GLB1: variants seen among roughly 807,000 people sequenced by gnomAD.
The protein encoded by GLB1 is beta-galactosidase.
In GLB1, 56 loss-of-function variants were observed where a neutral mutation model predicts 74.0. The ratio of observed to expected loss-of-function variants is 0.76; its 90% CI spans 0.61 to 0.94. The LOEUF (loss-of-function observed/expected upper bound fraction) is 0.94, where lower values mean the gene tolerates loss of function less well. Among genes scored for constraint, GLB1 ranks in the 40% least tolerant of loss-of-function variants. The probability of loss-of-function intolerance (pLI) is 0.00; values close to 1 mark genes in which losing one functional copy is unlikely to be tolerated. For missense variants in GLB1, 787 were observed against 845.5 expected (o/e 0.93, Z 0.86); for synonymous variants, 323 against 323.6 (o/e 1.00, Z 0.02).
In GLB1 at chr3:33,016,836, G is replaced by T; in HGVS notation, c.1352C>A (p.Pro451His). 1 of 1,613,916 alleles carries T rather than the reference G, an allele frequency of 6.2e-7. No individual in the cohort carries two copies. Among genetic ancestry groups the T allele is most frequent in the South Asian group, 1.1e-5 (1 of 91,076 alleles). Residue 451 changes from proline to histidine, a missense_variant, in exon 14 of 16, where the codon CCC (proline) becomes CAC (histidine). Physicochemically the swap from Pro to His is moderately conservative, Grantham distance 77 (BLOSUM62 -2). Transcript: ENST00000307363. ...ATTGTTTCGCTCAAGGACTCCCTGG[G>T]GGATCTGTGGGGTTCAAGACCAAAT... ...DRAYVAVDGI[P>H]QGVLERNNVI...
At chr3:33,009,657 G>T (rs1490194731) in intron 15 of GLB1, among the ~76,000 whole-genome samples, 3 of 152,160 alleles carry the variant, frequency 2.0e-5, no homozygotes, top group African/African-American at 7.2e-5. Flanking sequence ...CCTGTGCTGG[G>T]CCATAAAACA....
chr3:32,990,652 C>T, the GLB1 span, among the ~76,000 whole-genome samples: 1 of 152,138 alleles, frequency 6.6e-6, no homozygotes, highest in African/African-American at 2.4e-5. Flanking sequence ...GTCAGGTGGT[C>T]CACGACAGCC....
intron 10 of GLB1, among the ~76,000 whole-genome samples, chr3:33,024,686 G>C (rs892584702): frequency 2.0e-5 from 3 of 152,166 alleles, no homozygotes; most frequent in Non-Finnish European, 4.4e-5. Context: ...CCTATCATAG[G>C]AAAAATATTA....
intron 1 of GLB1, among the ~76,000 whole-genome samples, chr3:33,075,896 T>C (rs1048103997): frequency 2.6e-5 from 4 of 151,236 alleles, no homozygotes; most frequent in African/African-American, 9.8e-5. Context: ...AAAAAAAAAA[T>C]TAGCCGGGCG....
At chr3:32,979,946 CATA>C in the GLB1 span, among the ~76,000 whole-genome samples, 2 of 150,982 alleles carry the variant, frequency 1.3e-5, no homozygotes, top group East Asian at 3.9e-4. Context: ...TTAATTGACA[CATA>C]ATAATTGTAC....
chr3:33,064,176 C>T (rs1055471903), intron 5 of GLB1, among the ~76,000 whole-genome samples: 5 of 152,174 alleles, frequency 3.3e-5, no homozygotes, highest in South Asian at 2.1e-4. Flanking sequence ...CGGTGGCTCA[C>T]GCCTGTAATC....
At chr3:32,982,572 T>C in the GLB1 span, among the ~76,000 whole-genome samples, 2 of 152,154 alleles carry the variant, frequency 1.3e-5, no homozygotes, top group African/African-American at 4.8e-5. Context: ...TGTTCCTGTC[T>C]TATAGTTCTT....
intron 1 of GLB1, among the ~76,000 whole-genome samples, chr3:33,076,833 A>C (rs1265879604): frequency 6.6e-6 from 1 of 152,246 alleles, no homozygotes; most frequent in East Asian, 1.9e-4. Context: ...ATACAGAGAA[A>C]GAGTCAAGCA....
the GLB1 span, among the ~76,000 whole-genome samples, chr3:32,966,743 G>T: frequency 6.6e-6 from 1 of 152,018 alleles, no homozygotes; most frequent in African/African-American, 2.4e-5. Flanking sequence ...GGAGGGACCC[G>T]GTGGGAGGTA....
intron 1 of GLB1, among the ~76,000 whole-genome samples, chr3:33,088,036 A>C (rs187720103): frequency 6.6e-6 from 1 of 152,316 alleles, no homozygotes; most frequent in East Asian, 1.9e-4. Flanking sequence ...GAGGCAGAGA[A>C]AGCATGACAA....
chr3:33,027,873 T>G (rs1697836864), intron 10 of GLB1, among the ~76,000 whole-genome samples: 1 of 152,164 alleles, frequency 6.6e-6, no homozygotes, highest in African/African-American at 2.4e-5. Context: ...ACTTTTCTCT[T>G]AGTTCTTTCA....
intron 15 of GLB1, among the ~76,000 whole-genome samples, chr3:33,008,931 C>A (rs1231616231): frequency 6.6e-6 from 1 of 151,284 alleles, no homozygotes; most frequent in Non-Finnish European, 1.5e-5. Context: ...ACTGGCCTGA[C>A]CAACATGGAG....
chr3:32,963,896 G>C, the GLB1 span, among the ~76,000 whole-genome samples: 94 of 152,310 alleles, frequency 6.2e-4, no homozygotes, highest in Middle Eastern at 6.8e-3. Context: ...AGAACTTTAT[G>C]ATGATGGAGA....
intron 10 of GLB1, among the ~76,000 whole-genome samples, chr3:33,038,744 C>T (rs1028298040): frequency 6.6e-6 from 1 of 152,102 alleles, no homozygotes; most frequent in African/African-American, 2.4e-5. Context: ...TCAGTTGAGA[C>T]CCCTAAGAAA....
the GLB1 span, among the ~76,000 whole-genome samples, chr3:32,968,480 C>A: frequency 6.6e-6 from 1 of 152,154 alleles, no homozygotes; most frequent in Non-Finnish European, 1.5e-5. Context: ...AAGTGTCCAG[C>A]ATTTAAGCTT....
chr3:32,983,900 G>A, the GLB1 span, among the ~76,000 whole-genome samples: 2 of 151,904 alleles, frequency 1.3e-5, no homozygotes, highest in Non-Finnish European at 2.9e-5. Flanking sequence ...GCCCAGGCTG[G>A]TCTTGAACTC....
At chr3:32,976,657 T>C in the GLB1 span, among the ~76,000 whole-genome samples, 1 of 152,096 alleles carries the variant, frequency 6.6e-6, no homozygotes, top group Non-Finnish European at 1.5e-5. Flanking sequence ...CTGACTCCTC[T>C]CTCCCTCCCC....
At chr3:33,092,866 T>A in intron 1 of GLB1, 1 of 1,611,414 alleles carries the variant, frequency 6.2e-7, no homozygotes, top group South Asian at 1.1e-5. Flanking sequence ...AGCTCTGTGA[T>A]CTCGGCCCTG....
At chr3:33,034,601 T>A in intron 10 of GLB1, 1 of 717,428 alleles carries the variant, frequency 1.4e-6, no homozygotes, top group African/African-American at 1.7e-5. Flanking sequence ...AAATATATGG[T>A]CTCCCAAATT....
Sources: allele counts gnomAD v4.1 joint callset (sites outside exome capture counted in the v4.1 genomes callset), GRCh38; gene constraint gnomAD v4.1.1; transcripts MANE v1.5; gene names NCBI Gene and HGNC (gene_info 2026-07-23, HGNC 2026-07-21).